Variants in CNTN4 observed in about 807,000 individuals in gnomAD.
CNTN4 encodes contactin 4.
CNTN4 carries 77 observed loss-of-function variants against 122.5 expected under a neutral mutation model. The ratio of observed to expected loss-of-function variants is 0.63; its 90% CI spans 0.52 to 0.76. CNTN4 has a LOEUF of 0.76. Among genes scored for constraint, CNTN4 ranks in the 30% least tolerant of loss-of-function variants. The probability of loss-of-function intolerance (pLI) is 0.00; values close to 1 mark genes in which losing one functional copy is unlikely to be tolerated. For missense variants in CNTN4, 1,256 were observed against 1,259.1 expected, an observed-to-expected ratio of 1.00 and a Z score of 0.04; for synonymous variants, 512 against 447.0, an observed-to-expected ratio of 1.15 and a Z score of -1.83.
chr3:2,927,592 AT>A (rs1321941101), intron 13 of CNTN4: 1 of 170,768 alleles, frequency 5.9e-6, no homozygotes, highest in African/African-American at 2.4e-5. Context: ...CAGCTTAACC[AT>A]TGTTACAAGC....
intron 2 of CNTN4, among the ~76,000 whole-genome samples, chr3:2,260,901 G>T (rs1372604433): frequency 6.6e-6 from 1 of 151,282 alleles, no homozygotes; most frequent in African/African-American, 2.4e-5. Context: ...CTAAATTTTT[G>T]CATTTTTTAA....
At chr3:2,890,551 G>C (rs2094027465) in intron 10 of CNTN4, among the ~76,000 whole-genome samples, 1 of 152,180 alleles carries the variant, frequency 6.6e-6, no homozygotes, top group Non-Finnish European at 1.5e-5. Context: ...AACCAGAAGT[G>C]TGCTAACTCC....
At chr3:2,142,523 C>T (rs1167508142) in intron 2 of CNTN4, among the ~76,000 whole-genome samples, 1 of 152,128 alleles carries the variant, frequency 6.6e-6, no homozygotes, top group Non-Finnish European at 1.5e-5. Context: ...GCCATCATGC[C>T]TGGCTAATTT....
rs1291115199 is a variant in CNTN4 at position 2,851,237 on chromosome 3, G to A, written c.455-15515G>A. ...CTTAATCCATCTCTCGTGGATGTTA[G>A]TTTGCAGTTTCAATATCTATTTGAC... is the stretch of plus-strand genomic sequence containing the variant. On this transcript the variant is annotated intron_variant, in intron 7 of 24. Coordinates refer to ENST00000418658, the MANE Select transcript of CNTN4 (RefSeq NM_175607.3). Among the ~76,000 whole-genome samples the A allele has an allele frequency of 2.6e-5, 4 of 152,322 alleles. No homozygotes were observed. The South Asian group carries it at 8.3e-4, about 32-fold the overall frequency.
intron 3 of CNTN4, among the ~76,000 whole-genome samples, chr3:2,430,140 T>C (rs574652010): frequency 4.0e-5 from 6 of 151,840 alleles, no homozygotes; most frequent in Non-Finnish European, 7.4e-5. Context: ...AATGCAGAAA[T>C]TGGCCGGGCT....
At chr3:2,690,201 T>G (rs2085655323) in intron 4 of CNTN4, among the ~76,000 whole-genome samples, 1 of 152,314 alleles carries the variant, frequency 6.6e-6, no homozygotes, top group Non-Finnish European at 1.5e-5. Context: ...GATATTTTGC[T>G]ACAAGTAACA....
chr3:2,115,517 G>C (rs544444118), intron 2 of CNTN4, among the ~76,000 whole-genome samples: 12 of 152,334 alleles, frequency 7.9e-5, no homozygotes, highest in African/African-American at 2.9e-4. Flanking sequence ...ACACAAGTTA[G>C]CTTTTCAGGG....
chr3:2,313,128 G>T (rs867662169), intron 2 of CNTN4, among the ~76,000 whole-genome samples: 2 of 151,850 alleles, frequency 1.3e-5, no homozygotes, highest in African/African-American at 4.8e-5. Flanking sequence ...TAATGATCAA[G>T]AAATAGAAAC....
chr3:2,675,502 T>C (rs1245210474), intron 4 of CNTN4, among the ~76,000 whole-genome samples: 1 of 152,226 alleles, frequency 6.6e-6, no homozygotes, highest in Non-Finnish European at 1.5e-5. Flanking sequence ...TATCACTATC[T>C]ACAATTATCT....
chr3:2,769,205 T>C (rs917997054), intron 6 of CNTN4, among the ~76,000 whole-genome samples: 11 of 152,120 alleles, frequency 7.2e-5, no homozygotes, highest in African/African-American at 2.7e-4. Flanking sequence ...GGCTCACACG[T>C]GTAATCCCAG....
chr3:2,845,531 G>A (rs1266428344), intron 7 of CNTN4, among the ~76,000 whole-genome samples: 1 of 152,010 alleles, frequency 6.6e-6, no homozygotes, highest in African/African-American at 2.4e-5. Context: ...TTACTTTATG[G>A]TTTCCCACTT....
At chr3:2,627,665 T>A (rs934567449) in intron 4 of CNTN4, among the ~76,000 whole-genome samples, 11 of 151,938 alleles carry the variant, frequency 7.2e-5, no homozygotes, top group African/African-American at 2.4e-4. Context: ...GGCTAATTTT[T>A]TGTATTTTTA....
chr3:2,170,274 C>G (rs4470495), intron 2 of CNTN4, among the ~76,000 whole-genome samples: 69,270 of 151,210 alleles, frequency 0.46, 16,488 homozygotes, highest in East Asian at 0.62. Flanking sequence ...GAGCCGAGAT[C>G]GCGCCACCGC....
intron 3 of CNTN4, among the ~76,000 whole-genome samples, chr3:2,340,710 T>TATATATATATATATAGAGAGAGAGAG: frequency 1.6e-3 from 29 of 18,290 alleles, no homozygotes; most frequent in East Asian, 9.9e-3. Flanking sequence ...TATATATATA[T>TATATATATATATATAGAGAGAGAGAG]AGAGAGAGAG....
intron 2 of CNTN4, among the ~76,000 whole-genome samples, chr3:2,165,126 C>T (rs934384398): frequency 3.9e-5 from 6 of 152,036 alleles, no homozygotes; most frequent in African/African-American, 1.4e-4. Context: ...AGGTCGAGAC[C>T]AGCCTGGCCA....
intron 2 of CNTN4, among the ~76,000 whole-genome samples, chr3:2,106,006 C>T (rs149578571): frequency 2.6e-5 from 4 of 152,344 alleles, no homozygotes; most frequent in Admixed American, 1.3e-4. Context: ...CAGTCTGAAA[C>T]CAGGCGGGGC....
chr3:2,842,195 A>T (rs145149727), intron 7 of CNTN4, among the ~76,000 whole-genome samples: 1 of 152,204 alleles, frequency 6.6e-6, no homozygotes, highest in Non-Finnish European at 1.5e-5. Flanking sequence ...AATGGGTTGC[A>T]GCAGAACAGG....
At chr3:2,943,039 G>A (rs1201102551) in intron 13 of CNTN4, among the ~76,000 whole-genome samples, 4 of 152,150 alleles carry the variant, frequency 2.6e-5, no homozygotes, top group East Asian at 1.9e-4. Flanking sequence ...AATAGGGAGT[G>A]CACCTATTGT....
intron 2 of CNTN4, among the ~76,000 whole-genome samples, chr3:2,275,714 A>G (rs2041478893): frequency 1.3e-5 from 2 of 151,838 alleles, no homozygotes; most frequent in Admixed American, 6.6e-5. Context: ...GAGGTCAGGC[A>G]TTTGAGACCA....
Sources: gnomAD v4.1 joint callset for allele counts (sites outside exome capture counted in the v4.1 genomes callset) on GRCh38, gnomAD v4.1.1 for gene constraint, MANE v1.5 for transcripts, NCBI Gene and HGNC (gene_info 2026-07-23, HGNC 2026-07-21) for gene names.